Variants in LYPLAL1 observed in about 807,000 individuals in gnomAD.
LYPLAL1 encodes the protein lysophospholipase-like protein 1.
LYPLAL1 carries 23 observed loss-of-function variants against 19.7 expected under a neutral mutation model. That is an observed-to-expected ratio of 1.17 (90% CI 0.84 to 1.65). The LOEUF (loss-of-function observed/expected upper bound fraction) is 1.65. LYPLAL1 is among the 40% of genes most tolerant of loss of function. The pLI is 0.00. For synonymous variants in LYPLAL1, 119 were observed against 96.3 expected, an observed-to-expected ratio of 1.24 and a Z score of -1.38; for missense variants, 355 against 279.4, an observed-to-expected ratio of 1.27 and a Z score of -1.93.
the LYPLAL1 span, among the ~76,000 whole-genome samples, chr1:219,394,304 A>G: frequency 2.0e-5 from 3 of 152,214 alleles, no homozygotes; most frequent in African/African-American, 7.2e-5. Flanking sequence ...GGCATCACAA[A>G]AAATCTTAAC....
chr1:219,383,456 C>T, the LYPLAL1 span, among the ~76,000 whole-genome samples: 13 of 152,304 alleles, frequency 8.5e-5, no homozygotes, highest in Admixed American at 7.2e-4. Flanking sequence ...CACTGCACTA[C>T]CACAGGTCAA....
the LYPLAL1 span, among the ~76,000 whole-genome samples, chr1:219,387,476 C>A: frequency 6.6e-6 from 1 of 152,074 alleles, no homozygotes; most frequent in Non-Finnish European, 1.5e-5. Flanking sequence ...AAAATTTAAC[C>A]AAGACCTTTG....
chr1:219,430,512 T>A, the LYPLAL1 span, among the ~76,000 whole-genome samples: 1 of 152,182 alleles, frequency 6.6e-6, no homozygotes, highest in Non-Finnish European at 1.5e-5. Context: ...TAGACAGACT[T>A]AAGTATTCAG....
chr1:219,269,454 G>C, the LYPLAL1 span, among the ~76,000 whole-genome samples: 1 of 152,168 alleles, frequency 6.6e-6, no homozygotes, highest in Non-Finnish European at 1.5e-5. Flanking sequence ...GTACAACATA[G>C]CAGAATAAGT....
intron 1 of LYPLAL1, among the ~76,000 whole-genome samples, chr1:219,177,490 G>C (rs1020159454): frequency 2.2e-4 from 33 of 151,244 alleles, no homozygotes; most frequent in African/African-American, 2.5e-5. Flanking sequence ...ATAAGACCTT[G>C]TATGCATTAC....
chr1:219,241,120 CTCTCTCTCTCTCTCTA>C, the LYPLAL1 span, among the ~76,000 whole-genome samples: 5 of 94,942 alleles, frequency 5.3e-5, no homozygotes, highest in East Asian at 6.6e-4. Context: ...CTCTCTCTCT[CTCTCTCTCTCTCTCTA>C]TATATATATA....
chr1:219,414,913 C>A, the LYPLAL1 span, among the ~76,000 whole-genome samples: 1 of 152,024 alleles, frequency 6.6e-6, no homozygotes. Flanking sequence ...CCAGGGGGAC[C>A]CAGAATTAAA....
At chr1:219,246,931 C>T in the LYPLAL1 span, among the ~76,000 whole-genome samples, 481 of 152,230 alleles carry the variant, frequency 3.2e-3, 2 homozygotes, top group Middle Eastern at 6.8e-3. Context: ...ATGGGAAGGC[C>T]GGAACCTTAA....
the LYPLAL1 span, among the ~76,000 whole-genome samples, chr1:219,443,200 C>A: frequency 6.6e-6 from 1 of 152,098 alleles, no homozygotes; most frequent in African/African-American, 2.4e-5. Context: ...TTTGCAGGTA[C>A]TTTAAGAAGT....
the LYPLAL1 span, among the ~76,000 whole-genome samples, chr1:219,245,014 T>C: frequency 2.0e-5 from 3 of 150,132 alleles, no homozygotes; most frequent in Non-Finnish European, 3.0e-5. Flanking sequence ...TTTCTTTCCT[T>C]CCTCCCTCCC....
the LYPLAL1 span, among the ~76,000 whole-genome samples, chr1:219,334,058 C>T: frequency 6.6e-6 from 1 of 151,996 alleles, no homozygotes; most frequent in African/African-American, 2.4e-5. Context: ...ATGAAGCCTT[C>T]CTTGTTTATT....
chr1:219,264,133 C>G, the LYPLAL1 span, among the ~76,000 whole-genome samples: 2 of 152,162 alleles, frequency 1.3e-5, no homozygotes, highest in Non-Finnish European at 2.9e-5. Flanking sequence ...TCTCCAGTGT[C>G]AAAGTCTTTC....
chr1:219,369,106 G>A, the LYPLAL1 span, among the ~76,000 whole-genome samples: 1 of 152,058 alleles, frequency 6.6e-6, no homozygotes, highest in Non-Finnish European at 1.5e-5. Context: ...CCTTTATATA[G>A]CTCTCCCACA....
chr1:219,296,276 T>C, the LYPLAL1 span, among the ~76,000 whole-genome samples: 1 of 152,274 alleles, frequency 6.6e-6, no homozygotes, highest in South Asian at 2.1e-4. Context: ...ATGCCTTTGA[T>C]GGCTAGGGGA....
At chr1:219,289,709 A>T in the LYPLAL1 span, among the ~76,000 whole-genome samples, 1 of 152,130 alleles carries the variant, frequency 6.6e-6, no homozygotes, top group East Asian at 1.9e-4. Flanking sequence ...ATTGTCAAAC[A>T]CTTTCAAGCG....
chr1:219,290,387 A>G, the LYPLAL1 span, among the ~76,000 whole-genome samples: 2 of 152,212 alleles, frequency 1.3e-5, no homozygotes, highest in Admixed American at 6.5e-5. Flanking sequence ...GCCCCTCTAC[A>G]TGTTTAGGTT....
At chr1:219,287,241 C>T in the LYPLAL1 span, among the ~76,000 whole-genome samples, 1 of 152,074 alleles carries the variant, frequency 6.6e-6, no homozygotes, top group Non-Finnish European at 1.5e-5. Context: ...CTTCTTAGTC[C>T]CGCCAATACG....
the LYPLAL1 span, among the ~76,000 whole-genome samples, chr1:219,417,310 G>A: frequency 1.3e-5 from 2 of 152,068 alleles, no homozygotes; most frequent in Non-Finnish European, 2.9e-5. Flanking sequence ...TTATTGGACT[G>A]AATCAATACT....
chr1:219,285,609 G>A, the LYPLAL1 span, among the ~76,000 whole-genome samples: 1 of 152,164 alleles, frequency 6.6e-6, no homozygotes, highest in African/African-American at 2.4e-5. Flanking sequence ...AGCGAAAAAT[G>A]CTAGACATGA....
Sources: allele counts gnomAD v4.1 joint callset (sites outside exome capture counted in the v4.1 genomes callset), GRCh38; gene constraint gnomAD v4.1.1; transcripts MANE v1.5; gene names NCBI Gene and HGNC (gene_info 2026-07-23, HGNC 2026-07-21).